DENND1A: variants seen among roughly 807,000 people sequenced by gnomAD.
DENND1A encodes DENN domain containing 1A, also known as DENN domain-containing protein 1A.
In DENND1A, 51 loss-of-function variants were observed where a neutral mutation model predicts 113.7. The ratio of observed to expected loss-of-function variants is 0.45; its 90% confidence interval spans 0.36 to 0.57. The LOEUF (loss-of-function observed/expected upper bound fraction) is 0.57, where lower values mean the gene tolerates loss of function less well. Among genes scored for constraint, DENND1A ranks in the 20% least tolerant of loss-of-function variants. The pLI, the probability that DENND1A is intolerant of heterozygous loss-of-function variation, is 0.00. For synonymous variants in DENND1A, 565 were observed against 570.8 expected, an observed-to-expected ratio of 0.99 and a Z score of 0.14; for missense variants, 1,258 against 1,395.9, an observed-to-expected ratio of 0.90 and a Z score of 1.57.
chr9:123,669,981 A>G lies in DENND1A; in HGVS notation c.453+1310T>C, dbSNP rs998436971. On this transcript the variant is annotated intron_variant, in intron 7 of 23. Transcript: ENST00000394215. The stretch of plus-strand genomic sequence containing the variant: ...TCAAGTCTTATCTCTTATTAACTAC[A>G]CGACCTTGGAAGGGCAGGTATCTTT... Among the ~76,000 whole-genome samples the G allele has an allele frequency of 2.0e-5, 3 of 152,258 alleles. No homozygotes were observed. The East Asian group carries it at 5.8e-4, about 29-fold the overall frequency.
intron 12 of DENND1A, among the ~76,000 whole-genome samples, chr9:123,574,157 A>G (rs2058505146): frequency 7.4e-6 from 1 of 134,488 alleles, no homozygotes; most frequent in Non-Finnish European, 1.6e-5. Context: ...TTGCATCTAT[A>G]TTGGTCTGTA....
chr9:123,840,354 A>AT (rs1316176815), intron 2 of DENND1A, among the ~76,000 whole-genome samples: 1 of 151,284 alleles, frequency 6.6e-6, no homozygotes. Flanking sequence ...CTTCTCATTA[A>AT]TTTTTTTTGT....
At chr9:123,922,061 T>C (rs1200583962) in intron 1 of DENND1A, among the ~76,000 whole-genome samples, 2 of 152,136 alleles carry the variant, frequency 1.3e-5, no homozygotes, top group Non-Finnish European at 2.9e-5. Flanking sequence ...GCCTCCCAAG[T>C]AGCTGGGACC....
intron 5 of DENND1A, among the ~76,000 whole-genome samples, chr9:123,728,351 C>A (rs1343837567): frequency 2.6e-5 from 4 of 151,400 alleles, no homozygotes; most frequent in African/African-American, 4.9e-5. Context: ...GTGGCACATG[C>A]CTGTAATCCC....
At chr9:123,396,919 CT>C (rs1316928418) in intron 21 of DENND1A, among the ~76,000 whole-genome samples, 1 of 152,156 alleles carries the variant, frequency 6.6e-6, no homozygotes, top group Non-Finnish European at 1.5e-5. Context: ...GAGCAGAAAT[CT>C]TCTTACAACT....
At chr9:123,610,378 G>T (rs2060362620) in intron 10 of DENND1A, among the ~76,000 whole-genome samples, 1 of 152,128 alleles carries the variant, frequency 6.6e-6, no homozygotes, top group African/African-American at 2.4e-5. Context: ...ACAGAGAAGG[G>T]ACTAGGCCTA....
At chr9:123,571,622 C>T (rs533811763) in intron 12 of DENND1A, among the ~76,000 whole-genome samples, 1 of 152,314 alleles carries the variant, frequency 6.6e-6, no homozygotes, top group South Asian at 2.1e-4. Context: ...CTTGGTGTAT[C>T]AAACGTTTGT....
intron 3 of DENND1A, among the ~76,000 whole-genome samples, chr9:123,787,062 C>T (rs1832294102): frequency 6.6e-6 from 1 of 152,080 alleles, no homozygotes; most frequent in South Asian, 2.1e-4. Flanking sequence ...TGTGAAGACC[C>T]ATGGTTTAAA....
chr9:123,657,343 G>A (rs1404897014), intron 8 of DENND1A, among the ~76,000 whole-genome samples: 4 of 151,630 alleles, frequency 2.6e-5, no homozygotes, highest in African/African-American at 9.7e-5. Context: ...CAGGTGGCTG[G>A]GGACTTGAGG....
intron 4 of DENND1A, among the ~76,000 whole-genome samples, chr9:123,758,703 A>T (rs1181722632): frequency 1.3e-5 from 2 of 152,246 alleles, no homozygotes; most frequent in African/African-American, 4.8e-5. Flanking sequence ...CTAAAAATAT[A>T]TCAATACAAA....
intron 5 of DENND1A, among the ~76,000 whole-genome samples, chr9:123,709,707 T>A (rs1276974921): frequency 3.9e-5 from 6 of 152,208 alleles, no homozygotes; most frequent in African/African-American, 1.4e-4. Flanking sequence ...CATTGTAAAC[T>A]GCACTGCTGA....
At chr9:123,438,303 C>A (rs1020079512) in intron 19 of DENND1A, among the ~76,000 whole-genome samples, 10 of 152,208 alleles carry the variant, frequency 6.6e-5, no homozygotes, top group Non-Finnish European at 1.3e-4. Flanking sequence ...AAGCCCCCCT[C>A]CCTCTGCAGC....
At chr9:123,456,168 G>C (rs2048105989) in intron 15 of DENND1A, among the ~76,000 whole-genome samples, 1 of 151,262 alleles carries the variant, frequency 6.6e-6, no homozygotes, top group Non-Finnish European at 1.5e-5. Context: ...ATGTTTATAG[G>C]TGTATACTGT....
chr9:123,545,394 G>A (rs529912867), intron 13 of DENND1A, among the ~76,000 whole-genome samples: 1 of 152,124 alleles, frequency 6.6e-6, no homozygotes, highest in South Asian at 2.1e-4. Context: ...ATATCATAAT[G>A]TCCTATACAG....
At chr9:123,459,218 T>C (rs907543138) in intron 13 of DENND1A, among the ~76,000 whole-genome samples, 15 of 152,178 alleles carry the variant, frequency 9.9e-5, no homozygotes, top group African/African-American at 3.6e-4. Context: ...CTGAGTTCCA[T>C]AATGCAGAGA....
chr9:123,921,858 G>T (rs1012713923), intron 1 of DENND1A, among the ~76,000 whole-genome samples: 2 of 151,260 alleles, frequency 1.3e-5, no homozygotes, highest in Non-Finnish European at 2.9e-5. Flanking sequence ...TGCCTCTTAC[G>T]TGTAATTTGT....
chr9:123,757,639 A>G, intron 5 of DENND1A, 64 bp downstream of exon 5: 1 of 1,580,286 alleles, frequency 6.3e-7, no homozygotes, highest in Non-Finnish European at 8.6e-7. Flanking sequence ...TAATTACGGA[A>G]GAGCAATGCA....
At chr9:123,757,143 A>T (rs949906872) in intron 5 of DENND1A, among the ~76,000 whole-genome samples, 3 of 152,220 alleles carry the variant, frequency 2.0e-5, no homozygotes, top group Non-Finnish European at 2.9e-5. Context: ...GCCTTAAGCA[A>T]GTGTGGCTCT....
In DENND1A at chr9:123,381,220, C is replaced by T. The variant is rs372919542; in HGVS notation, c.*212G>A. On this transcript the variant is annotated 3_prime_UTR_variant, in exon 24 of 24. Transcript: ENST00000394215. The surrounding 1 kb of genome is among the most constrained non-coding windows in gnomAD (Gnocchi z 4.7). ...GCGGGGTGGGATGGGCACTCAGGAACTGGGTTGATTCCCAGGCTGGAACTG... is the reference window on the plus strand; with the variant it reads ...GCGGGGTGGGATGGGCACTCAGGAATTGGGTTGATTCCCAGGCTGGAACTG... The T allele has an allele frequency of 4.1e-5, 25 of 605,352 alleles. 1 individual carries two copies. Among genetic ancestry groups the T allele is most frequent in the South Asian group, 3.6e-4 (18 of 50,222 alleles). 37.5% of individuals were successfully genotyped at this position (605,352 alleles called of 1,614,324 possible).
Sources: gnomAD v4.1 joint callset for allele counts (sites outside exome capture counted in the v4.1 genomes callset) on GRCh38, gnomAD v4.1.1 for gene constraint, Gnocchi (gnomAD v3.1) non-coding constraint, MANE v1.5 for transcripts, NCBI Gene and HGNC (gene_info 2026-07-23, HGNC 2026-07-21) for gene names.